PTPRT: variants seen among roughly 807,000 people sequenced by gnomAD.
The protein encoded by PTPRT is receptor-type tyrosine-protein phosphatase T.
In PTPRT, 56 loss-of-function variants were observed where a neutral mutation model predicts 176.8. That is an observed-to-expected ratio of 0.32 (90% CI 0.26 to 0.40). The LOEUF (loss-of-function observed/expected upper bound fraction) is 0.40. Among genes scored for constraint, PTPRT ranks in the 10% least tolerant of loss-of-function variants. PTPRT has a pLI of 1.00. For synonymous variants in PTPRT, 783 were observed against 739.0 expected, an observed-to-expected ratio of 1.06 and a Z score of -0.96; for missense variants, 1,540 against 1,908.2, an observed-to-expected ratio of 0.81 and a Z score of 3.60.
intron 1 of PTPRT, among the ~76,000 whole-genome samples, chr20:42,905,769 GTC>G (rs2079468220): frequency 6.6e-6 from 1 of 152,162 alleles, no homozygotes; most frequent in Admixed American, 6.5e-5. Flanking sequence ...CCTTTGTAGG[GTC>G]ATGGATGAAG....
intron 9 of PTPRT, among the ~76,000 whole-genome samples, chr20:42,430,462 A>T (rs560887337): frequency 1.1e-4 from 17 of 152,314 alleles, no homozygotes; most frequent in African/African-American, 3.8e-4. Context: ...CTCCCAGGGG[A>T]TGCTGATAAC....
intron 1 of PTPRT, among the ~76,000 whole-genome samples, chr20:42,961,875 C>T (rs1047277460): frequency 2.6e-5 from 4 of 151,968 alleles, no homozygotes; most frequent in South Asian, 2.1e-4. Flanking sequence ...AGTGAAGGAG[C>T]GGGGCGGGAG....
chr20:42,780,450 T>C (rs1600729442), intron 3 of PTPRT, 151 bp from the exon 4 acceptor site: 1 of 554,616 alleles, frequency 1.8e-6, no homozygotes, highest in East Asian at 2.9e-5. Flanking sequence ...ACCCTGGCAA[T>C]TGACTGGGAT....
At chr20:42,685,868 A>T (rs2075682272) in intron 6 of PTPRT, 1 of 152,174 alleles carries the variant, frequency 6.6e-6, no homozygotes, top group South Asian at 2.1e-4. Context: ...TTACATCTGG[A>T]TGTGACCTCT....
At chr20:42,411,617 C>T (rs1200849337) in intron 9 of PTPRT, among the ~76,000 whole-genome samples, 4 of 150,904 alleles carry the variant, frequency 2.7e-5, no homozygotes, top group South Asian at 2.1e-4. Context: ...AGACACAAAT[C>T]GTTAGCATCG....
intron 7 of PTPRT, among the ~76,000 whole-genome samples, chr20:42,667,447 T>A (rs2146026076): frequency 6.6e-6 from 1 of 152,334 alleles, no homozygotes; most frequent in African/African-American, 2.4e-5. Context: ...ATCACTATAA[T>A]CATACACTTT....
chr20:43,142,269 A>G (rs552455637), intron 1 of PTPRT, among the ~76,000 whole-genome samples: 1 of 152,366 alleles, frequency 6.6e-6, no homozygotes, highest in South Asian at 2.1e-4. Context: ...GGAGGCTCCA[A>G]GGAAAGACAA....
chr20:42,575,384 G>A (rs1037806702), intron 7 of PTPRT, among the ~76,000 whole-genome samples: 25 of 152,328 alleles, frequency 1.6e-4, no homozygotes, highest in African/African-American at 6.0e-4. Context: ...AAGTGGCAGG[G>A]CTCAGTTAAA....
chr20:42,507,757 GA>G (rs1417202530), intron 7 of PTPRT, among the ~76,000 whole-genome samples: 2 of 152,028 alleles, frequency 1.3e-5, no homozygotes, highest in African/African-American at 4.8e-5. Context: ...CCACCAAGAA[GA>G]CAAGGAAAAT....
chr20:42,720,164 GGGA>G (rs1178754679), intron 6 of PTPRT, among the ~76,000 whole-genome samples: 1 of 152,202 alleles, frequency 6.6e-6, no homozygotes, highest in Non-Finnish European at 1.5e-5. Context: ...CAGTTCCACT[GGGA>G]TGCTGAACAA....
chr20:42,344,852 G>T (rs969319479), intron 11 of PTPRT, among the ~76,000 whole-genome samples: 3 of 152,030 alleles, frequency 2.0e-5, no homozygotes, highest in Non-Finnish European at 4.4e-5. Context: ...TGAGCTACTT[G>T]TGGCTCCCCA....
intron 29 of PTPRT, 136 bp from the exon 30 acceptor site, chr20:42,082,153 C>T (rs1277403646): frequency 1.5e-6 from 2 of 1,293,400 alleles, no homozygotes; most frequent in East Asian, 4.8e-5. Flanking sequence ...AGGCTTTAGC[C>T]TGAGCCATGA....
rs1327621919 is a variant in PTPRT, at chr20:42,448,077, C to T, written c.1560+143G>A. 5.8e-6 allele frequency: 4 copies of T among 684,940 alleles called. No homozygotes were observed. The Admixed American group carries it at 9.0e-5, about 15-fold the overall frequency. 42.4% of individuals were successfully genotyped at this position (684,940 alleles called of 1,614,324 possible). On this transcript the variant is annotated intron_variant, in intron 9 of 30. Transcript: ENST00000373187. The stretch of plus-strand genomic sequence containing the variant: ...TCCACTGTGTGCCATTATGTTTGCA[C>T]CCCATTGTACTGTCAGAAACCTTTT...
At chr20:42,428,004 CTTT>C (rs980567667) in intron 9 of PTPRT, among the ~76,000 whole-genome samples, 1 of 152,216 alleles carries the variant, frequency 6.6e-6, no homozygotes, top group Admixed American at 6.5e-5. Context: ...CTCTGACTCT[CTTT>C]TGGGACTCAG....
intron 11 of PTPRT, among the ~76,000 whole-genome samples, chr20:42,327,111 G>T (rs563777193): frequency 6.9e-6 from 1 of 145,030 alleles, no homozygotes; most frequent in Admixed American, 6.9e-5. Flanking sequence ...GTGTGTGTGT[G>T]TATGACAGAG....
chr20:42,582,507 C>T (rs973124210), intron 7 of PTPRT, among the ~76,000 whole-genome samples: 1 of 152,152 alleles, frequency 6.6e-6, no homozygotes, highest in Non-Finnish European at 1.5e-5. Flanking sequence ...GGTGAGTCCG[C>T]CTGAAATTAA....
intron 17 of PTPRT, among the ~76,000 whole-genome samples, chr20:42,152,435 T>C (rs546734860): frequency 2.0e-5 from 3 of 152,334 alleles, no homozygotes; most frequent in Admixed American, 6.5e-5. Context: ...GAAAATCAGA[T>C]TGCAGCAAGA....
At chr20:42,520,841 G>A (rs1305511129) in intron 7 of PTPRT, among the ~76,000 whole-genome samples, 1 of 143,818 alleles carries the variant, frequency 7.0e-6, no homozygotes, top group African/African-American at 2.6e-5. Flanking sequence ...GGGTGTGTGT[G>A]TAGATAGATA....
At chr20:42,934,943 T>C (rs1378596053) in intron 1 of PTPRT, among the ~76,000 whole-genome samples, 1 of 151,558 alleles carries the variant, frequency 6.6e-6, no homozygotes, top group Non-Finnish European at 1.5e-5. Flanking sequence ...CTGGGCATAG[T>C]GGCGGTGCCT....
Sources: gnomAD v4.1 joint callset for allele counts (sites outside exome capture counted in the v4.1 genomes callset) on GRCh38, gnomAD v4.1.1 for gene constraint, MANE v1.5 for transcripts, NCBI Gene and HGNC (gene_info 2026-07-23, HGNC 2026-07-21) for gene names.